Variants in MASP1 observed in about 807,000 individuals in gnomAD.
The protein encoded by MASP1 is mannan-binding lectin serine protease 1.
A neutral mutation model predicts 77.1 loss-of-function variants in MASP1; 59 were observed. The observed-to-expected ratio is 0.77, with a 90% CI of 0.62 to 0.95. The LOEUF is 0.95. Among genes scored for constraint, MASP1 ranks in the 40% least tolerant of loss-of-function variants. The probability of loss-of-function intolerance (pLI) is 0.00; values close to 1 mark genes in which losing one functional copy is unlikely to be tolerated. For missense variants in MASP1, 885 were observed against 912.9 expected (o/e 0.97, Z 0.39); for synonymous variants, 362 against 354.5 (o/e 1.02, Z -0.24).
rs1409296295 is a variant in MASP1, at chr3:187,275,082, C to G, written c.237+10743G>C. Among the ~76,000 whole-genome samples the G allele has an allele frequency of 2.0e-5, 3 of 152,166 alleles. No homozygotes were observed. The East Asian group carries it at 5.8e-4, about 29-fold the overall frequency. On this transcript the variant is annotated intron_variant, in intron 2 of 10. Coordinates refer to ENST00000296280, the MANE Select transcript of MASP1 (RefSeq NM_139125.4). ...CCCCCACCTCACCCCTTCTGGGACT[C>G]CAGAGCTGAGCTCATTCATATGCAA...
intron 15 of MASP1, among the ~76,000 whole-genome samples, chr3:187,220,709 A>G (rs889988176): frequency 5.3e-4 from 80 of 151,506 alleles, no homozygotes; most frequent in African/African-American, 1.9e-3. Context: ...TGTTAGCAAG[A>G]CTGGTCTCGA....
intron 2 of MASP1, among the ~76,000 whole-genome samples, chr3:187,266,864 C>T (rs1397338704): frequency 1.3e-5 from 2 of 152,170 alleles, no homozygotes; most frequent in African/African-American, 2.4e-5. Context: ...TATGGAAGAA[C>T]AGCTACTCTA....
intron 8 of MASP1, chr3:187,247,044 C>T (rs942546211): frequency 4.0e-5 from 52 of 1,300,212 alleles, no homozygotes; most frequent in South Asian, 9.0e-5. Flanking sequence ...TTTTTTTTTC[C>T]GTTGAGAAAA....
intron 2 of MASP1, among the ~76,000 whole-genome samples, chr3:187,279,975 T>C (rs182552085): frequency 1.3e-5 from 2 of 152,234 alleles, no homozygotes; most frequent in Non-Finnish European, 2.9e-5. Context: ...TTTTTACTGA[T>C]CTTTGCAGAC....
intron 7 of MASP1, 196 bp downstream of exon 7, chr3:187,251,437 TG>T (rs1714582587): frequency 5.1e-6 from 3 of 587,660 alleles, no homozygotes; most frequent in African/African-American, 3.8e-5. Flanking sequence ...AACAAACTTT[TG>T]TGCCACTTTC....
At chr3:187,282,712 C>T (rs956092248) in intron 2 of MASP1, among the ~76,000 whole-genome samples, 1 of 152,156 alleles carries the variant, frequency 6.6e-6, no homozygotes, top group Non-Finnish European at 1.5e-5. Context: ...CATGCAGCAT[C>T]CTGCAGAGGG....
intron 1 of MASP1, among the ~76,000 whole-genome samples, chr3:187,290,469 A>T (rs1402084427): frequency 6.6e-6 from 1 of 152,228 alleles, no homozygotes; most frequent in Non-Finnish European, 1.5e-5. Context: ...TTCAATGTAG[A>T]TTGACATAAA....
chr3:187,253,797 A>G (rs1714833802), intron 5 of MASP1, among the ~76,000 whole-genome samples: 1 of 151,912 alleles, frequency 6.6e-6, no homozygotes, highest in South Asian at 2.1e-4. Flanking sequence ...ATGAGAACAC[A>G]TGGACACAGG....
chr3:187,251,578 G>A, intron 7 of MASP1, 56 bp downstream of exon 7: 3 of 1,438,090 alleles, frequency 2.1e-6, no homozygotes, highest in Non-Finnish European at 2.9e-6. Flanking sequence ...GGGAGGGGCA[G>A]GTTTCGAGAG....
At chr3:187,276,400 G>A (rs1716972769) in intron 2 of MASP1, among the ~76,000 whole-genome samples, 2 of 152,172 alleles carry the variant, frequency 1.3e-5, no homozygotes, top group Non-Finnish European at 1.5e-5. Context: ...TAAATTGTAG[G>A]CACTGGATGA....
intron 2 of MASP1, among the ~76,000 whole-genome samples, chr3:187,274,496 G>T (rs1299065220): frequency 1.3e-5 from 2 of 152,126 alleles, no homozygotes; most frequent in Non-Finnish European, 2.9e-5. Flanking sequence ...CCAGAGCAAA[G>T]GTCAGAGCTG....
rs1211470774 is a variant in MASP1 at position 187,234,418 on chromosome 3, C to T, written c.*1266G>A. The stretch of plus-strand genomic sequence containing the variant: ...CTCTGAGTGCTCCAGCTAGAAGGAA[C>T]CTGCAGGGGACCTTATGCCAGCCTG... On this transcript the variant is annotated 3_prime_UTR_variant, in exon 11 of 11. Coordinates refer to ENST00000296280, the MANE Select transcript of MASP1 (RefSeq NM_139125.4). The T allele has an allele frequency of 7.8e-7, 1 of 1,287,064 alleles. No individual in the cohort carries two copies. The highest frequency in any genetic ancestry group is 1.2e-5 in the South Asian group (1 of 80,938). 79.7% of individuals were successfully genotyped at this position (1,287,064 alleles called of 1,614,324 possible).
chr3:187,247,133 G>C (rs994476996), intron 8 of MASP1: 14 of 1,452,448 alleles, frequency 9.6e-6, no homozygotes, highest in Non-Finnish European at 1.3e-5. Flanking sequence ...TGAATGATGG[G>C]CAAACCCTCA....
rs536945091 is a variant in MASP1, at chr3:187,260,844, G to A, written c.444C>T (p.Asp148=). Residue 148 remains aspartate, a synonymous_variant, in exon 4 of 11, where the codon GAC becomes GAT. Transcript: ENST00000296280. ...VDVDECKERE[D]EELSCDHYCH... Reference sequence around the variant, plus strand: ...AGTAGTGGTCACAGGACAGCTCCTCGTCCTCCCTCTCCTTGCACTCGTCCA... The same window carrying A: ...AGTAGTGGTCACAGGACAGCTCCTCATCCTCCCTCTCCTTGCACTCGTCCA... 128 of 1,613,912 alleles carry A rather than the reference G, an allele frequency of 7.9e-5. No individual in the cohort carries two copies. The highest frequency in any genetic ancestry group is 1.6e-4 in the African/African-American group (12 of 74,878).
chr3:187,221,207 G>T, intron 14 of MASP1: 2 of 1,082,982 alleles, frequency 1.8e-6, no homozygotes, highest in South Asian at 1.3e-5. Context: ...CCCTGAAGAC[G>T]GCTCCTCTCC....
rs118044023 is a variant in MASP1 at position 187,285,336 on chromosome 3, C to T, written c.237+489G>A. ...TGACATTCAAGGCCCTTAAGAATCTCGCCTCCACTCACCTTCCTACTTCAT... is the reference window on the plus strand; with the variant it reads ...TGACATTCAAGGCCCTTAAGAATCTTGCCTCCACTCACCTTCCTACTTCAT... On this transcript the variant is annotated intron_variant, in intron 2 of 10. Coordinates refer to ENST00000296280, the MANE Select transcript of MASP1 (RefSeq NM_139125.4). Among the ~76,000 whole-genome samples, 8 of 152,248 alleles carry T rather than the reference C, an allele frequency of 5.3e-5. No individual in the cohort carries two copies. In the East Asian group the frequency reaches 1.2e-3, roughly 22 times the overall value.
intron 15 of MASP1, chr3:187,220,278 CAT>C (rs780873591): frequency 1.2e-6 from 2 of 1,612,522 alleles, no homozygotes; most frequent in East Asian, 2.2e-5. Context: ...GAAAAAGAGA[CAT>C]AGATGAAGAT....
chr3:187,283,598 A>G (rs890295225), intron 2 of MASP1, among the ~76,000 whole-genome samples: 1 of 152,156 alleles, frequency 6.6e-6, no homozygotes, highest in African/African-American at 2.4e-5. Context: ...ACAACTGAGC[A>G]AAAAAATTCT....
At chr3:187,259,509 T>C (rs1361477733) in intron 4 of MASP1, among the ~76,000 whole-genome samples, 1 of 152,090 alleles carries the variant, frequency 6.6e-6, no homozygotes, top group South Asian at 2.1e-4. Context: ...GGTGGGGGCC[T>C]TAGGAAAATT....
Sources: allele counts gnomAD v4.1 joint callset (sites outside exome capture counted in the v4.1 genomes callset), GRCh38; gene constraint gnomAD v4.1.1; transcripts MANE v1.5; gene names NCBI Gene and HGNC (gene_info 2026-07-23, HGNC 2026-07-21).